Variants in RAPGEF2 observed in about 807,000 individuals in gnomAD.
The protein encoded by RAPGEF2 is PDZ domain containing guanine nucleotide exchange factor (GEF) 1.
A neutral mutation model predicts 186.7 loss-of-function variants in RAPGEF2; 54 were observed. The observed-to-expected ratio is 0.29, with a 90% confidence interval of 0.23 to 0.36. RAPGEF2 has a LOEUF of 0.36. Among genes scored for constraint, RAPGEF2 ranks in the 10% least tolerant of loss-of-function variants. RAPGEF2 has a pLI of 1.00. For missense variants in RAPGEF2, 1,532 were observed against 2,045.0 expected (o/e 0.75, Z 4.84); for synonymous variants, 712 against 705.9 (o/e 1.01, Z -0.14).
chr4:159,275,501 A>T (rs1345833651), intron 7 of RAPGEF2, among the ~76,000 whole-genome samples: 1 of 152,178 alleles, frequency 6.6e-6, no homozygotes, highest in Non-Finnish European at 1.5e-5. Flanking sequence ...GTATACATGT[A>T]CTTATTTCAT....
At chr4:159,218,467 AGTT>A (rs1025448229) in intron 4 of RAPGEF2, among the ~76,000 whole-genome samples, 6 of 152,340 alleles carry the variant, frequency 3.9e-5, no homozygotes, top group Admixed American at 1.3e-4. Context: ...CATTATTAGA[AGTT>A]GTTGGCCTGG....
chr4:159,216,265 A>G (rs1384236896), intron 4 of RAPGEF2, among the ~76,000 whole-genome samples: 1 of 152,176 alleles, frequency 6.6e-6, no homozygotes, highest in Non-Finnish European at 1.5e-5. Flanking sequence ...TTGCATAGGA[A>G]ATAGAAAAAA....
At chr4:159,356,271 CT>C (rs1731996113) in intron 29 of RAPGEF2, 113 bp downstream of exon 29, 1 of 1,111,252 alleles carries the variant, frequency 9.0e-7, no homozygotes, top group Admixed American at 2.6e-5. Flanking sequence ...TAACCATATA[CT>C]ACACAAAGTA....
intron 7 of RAPGEF2, among the ~76,000 whole-genome samples, chr4:159,299,867 G>C (rs1235358747): frequency 6.6e-6 from 1 of 151,386 alleles, no homozygotes; most frequent in Non-Finnish European, 1.5e-5. Flanking sequence ...GGTAGCATCT[G>C]TTTGTCCTAC....
intron 7 of RAPGEF2, among the ~76,000 whole-genome samples, chr4:159,294,046 C>G (rs937340929): frequency 1.3e-5 from 2 of 152,210 alleles, no homozygotes; most frequent in African/African-American, 4.8e-5. Flanking sequence ...TGGTGAATAG[C>G]TAGCCAGTCT....
chr4:159,289,935 G>A (rs1273581770), intron 7 of RAPGEF2, among the ~76,000 whole-genome samples: 2 of 152,294 alleles, frequency 1.3e-5, no homozygotes, highest in South Asian at 2.1e-4. Context: ...GGGAAGAGAA[G>A]TGAGTGTGAG....
intron 4 of RAPGEF2, among the ~76,000 whole-genome samples, chr4:159,219,779 T>C (rs1751355875): frequency 6.6e-6 from 1 of 152,228 alleles, no homozygotes. Context: ...TTCAAGAGAT[T>C]CCTTACCTTA....
chr4:159,146,202 A>T (rs1249394006), intron 1 of RAPGEF2, among the ~76,000 whole-genome samples: 1 of 152,172 alleles, frequency 6.6e-6, no homozygotes, highest in Non-Finnish European at 1.5e-5. Flanking sequence ...TTATCACTGT[A>T]AGGAGAATGA....
At chr4:159,194,326 A>G (rs1748405056) in intron 3 of RAPGEF2, among the ~76,000 whole-genome samples, 1 of 152,132 alleles carries the variant, frequency 6.6e-6, no homozygotes, top group East Asian at 1.9e-4. Context: ...TTGTTCAGAA[A>G]ACGACTTGGA....
intron 17 of RAPGEF2, among the ~76,000 whole-genome samples, chr4:159,333,089 C>A (rs1286813994): frequency 6.6e-6 from 1 of 152,124 alleles, no homozygotes; most frequent in African/African-American, 2.4e-5. Context: ...AAGTGATTCT[C>A]CTGCTTCAGT....
intron 29 of RAPGEF2, among the ~76,000 whole-genome samples, 180 bp from the exon 30 acceptor site, chr4:159,357,934 A>C (rs1732272753): frequency 6.6e-6 from 1 of 151,968 alleles, no homozygotes; most frequent in South Asian, 2.2e-4. Context: ...TATTGCATAC[A>C]TTTTAACCTT....
At chr4:159,241,519 G>C (rs969312457) in intron 6 of RAPGEF2, among the ~76,000 whole-genome samples, 151 bp downstream of exon 6, 6 of 147,128 alleles carry the variant, frequency 4.1e-5, no homozygotes, top group African/African-American at 1.5e-4. Context: ...ATTTTTATTT[G>C]TTATATTAAT....
At position 159,280,723 on chromosome 4, in the gene RAPGEF2, T is replaced by C. The variant is rs116296188; in HGVS notation, c.544-23619T>C. 8.2e-3 allele frequency among the ~76,000 whole-genome samples: 1,255 copies of C among 152,352 alleles called. 14 individuals carry two copies. Among genetic ancestry groups the C allele is most frequent in the African/African-American group, 0.028 (1,183 of 41,580 alleles). ...AGCCTGAGAACAAACTGGATCTATA[T>C]TGAAGTGTCATACATAGTGTAGCAA... On this transcript the variant is annotated intron_variant, in intron 7 of 29. Coordinates refer to ENST00000691494, the MANE Select transcript of RAPGEF2 (RefSeq NM_001394067.2).
chr4:159,330,560 G>A (rs1375458562), intron 13 of RAPGEF2, 62 bp downstream of exon 13: 4 of 1,179,378 alleles, frequency 3.4e-6, no homozygotes, highest in Non-Finnish European at 4.8e-6. Flanking sequence ...ATACTTTAAT[G>A]TGTATATTTG....
Position 159,358,192 on chromosome 4 carries a change from A to C in RAPGEF2, c.*53A>C. On this transcript the variant is annotated 3_prime_UTR_variant, in exon 30 of 30. Coordinates refer to ENST00000691494, the MANE Select transcript of RAPGEF2 (RefSeq NM_001394067.2). The stretch of plus-strand genomic sequence containing the variant: ...AGCCACCTGAAAGGAGAGCACAAGA[A>C]GACGTCCTGAGCATTGGAGCCTTGG... 2 of 1,564,070 alleles carry C rather than the reference A, an allele frequency of 1.3e-6. No homozygotes were observed. Among genetic ancestry groups the C allele is most frequent in the South Asian group, 2.3e-5 (2 of 86,520 alleles).
At chr4:159,209,986 A>C (rs1320571855) in intron 3 of RAPGEF2, among the ~76,000 whole-genome samples, 1 of 152,258 alleles carries the variant, frequency 6.6e-6, no homozygotes, top group African/African-American at 2.4e-5. Context: ...AAAAGAAAAG[A>C]ACTGTGTAGA....
At chr4:159,175,773 T>G (rs192017480) in intron 1 of RAPGEF2, among the ~76,000 whole-genome samples, 1 of 152,318 alleles carries the variant, frequency 6.6e-6, no homozygotes, top group Non-Finnish European at 1.5e-5. Flanking sequence ...TCTGAAGCCG[T>G]AACACACAGA....
chr4:159,180,953 T>C (rs1346006528), intron 1 of RAPGEF2, among the ~76,000 whole-genome samples: 1 of 152,244 alleles, frequency 6.6e-6, no homozygotes, highest in Non-Finnish European at 1.5e-5. Context: ...AACAATCTTA[T>C]TTAATTTGTA....
intron 23 of RAPGEF2, among the ~76,000 whole-genome samples, chr4:159,344,335 C>T (rs1402621044): frequency 6.6e-6 from 1 of 151,912 alleles, no homozygotes; most frequent in Non-Finnish European, 1.5e-5. Flanking sequence ...ATTTTATTTT[C>T]ATATAATTGG....
Sources: gnomAD v4.1 joint callset for allele counts (sites outside exome capture counted in the v4.1 genomes callset) on GRCh38, gnomAD v4.1.1 for gene constraint, MANE v1.5 for transcripts, NCBI Gene and HGNC (gene_info 2026-07-23, HGNC 2026-07-21) for gene names.